Variants in TRIP12 observed in about 807,000 individuals in gnomAD.
TRIP12 encodes thyroid hormone receptor interactor 12, also known as E3 ubiquitin-protein ligase TRIP12.
TRIP12 carries 25 observed loss-of-function variants against 244.2 expected under a neutral mutation model. The ratio of observed to expected loss-of-function variants is 0.10; its 90% CI spans 0.07 to 0.14. TRIP12 has a LOEUF of 0.14. Among genes scored for constraint, TRIP12 ranks in the 10% least tolerant of loss-of-function variants. The pLI is 1.00. For missense variants in TRIP12, 1,677 were observed against 2,486.4 expected, an observed-to-expected ratio of 0.67 and a Z score of 6.92; for synonymous variants, 905 against 873.1, an observed-to-expected ratio of 1.04 and a Z score of -0.64.
At chr2:229,798,350 C>A (rs1378454798) in intron 23 of TRIP12, among the ~76,000 whole-genome samples, 2 of 151,960 alleles carry the variant, frequency 1.3e-5, no homozygotes, top group Admixed American at 6.5e-5. Context: ...CCAAAGAGAG[C>A]ATGTTTATTT....
rs2074147906 is a variant in TRIP12, at chr2:229,910,937, C to T, written c.-50+10943G>A. On this transcript the variant is annotated intron_variant, in intron 1 of 41. Coordinates refer to ENST00000675903, the MANE Select transcript of TRIP12 (RefSeq NM_001348323.3). ...CTACTGAATCTTCTTAAACATCAGC[C>T]TACTTGTTGCCATCTACTGGGGGAA... is the stretch of plus-strand genomic sequence containing the variant. 2.6e-5 allele frequency among the ~76,000 whole-genome samples: 4 copies of T among 152,166 alleles called. No homozygotes were observed. In the South Asian group the frequency reaches 8.3e-4, roughly 32 times the overall value.
chr2:229,771,039 T>C (rs534092341), intron 39 of TRIP12, among the ~76,000 whole-genome samples: 1 of 152,244 alleles, frequency 6.6e-6, no homozygotes, highest in Non-Finnish European at 1.5e-5. Context: ...AATCCATTTC[T>C]TCCATTCTCA....
chr2:229,851,000 C>G (rs560865942), intron 4 of TRIP12, among the ~76,000 whole-genome samples: 4 of 152,352 alleles, frequency 2.6e-5, no homozygotes, highest in South Asian at 2.1e-4. Context: ...AGCCTTCCCC[C>G]ACCTCCGTGG....
At chr2:229,812,762 C>A (rs1380444511) in intron 13 of TRIP12, among the ~76,000 whole-genome samples, 1 of 152,194 alleles carries the variant, frequency 6.6e-6, no homozygotes, top group Non-Finnish European at 1.5e-5. Flanking sequence ...GATCACGCCA[C>A]TGCACTTCAG....
Position 229,792,195 on chromosome 2 carries a change from G to T in TRIP12, c.4173C>A (p.Asp1391Glu), listed in dbSNP as rs972864368. 1.9e-6 allele frequency: 3 copies of T among 1,613,832 alleles called. No homozygotes were observed. The highest frequency in any genetic ancestry group is 3.3e-5 in the Admixed American group (2 of 59,980). ...GYGRVREDDE[D>E]SDDDGSDEEI... is the part of the protein sequence containing the mutation. ...CCTCATCTGATCCATCGTCATCGCT[G>T]TCTTCATCATCTTCTCTTACTCTTC... The change falls in exon 28 of 42, where the codon GAC becomes GAA. Residue 1391 changes from aspartate (D) to glutamate (E), a missense_variant. Transcript: ENST00000675903.
chr2:229,885,634 T>A (rs2065859291), intron 1 of TRIP12, among the ~76,000 whole-genome samples: 1 of 152,222 alleles, frequency 6.6e-6, no homozygotes, highest in African/African-American at 2.4e-5. Context: ...CCCTTGTGTA[T>A]AAAAGAAGTC....
chr2:229,774,388 T>C, intron 37 of TRIP12, 127 bp from the exon 38 acceptor site: 1 of 910,290 alleles, frequency 1.1e-6, no homozygotes, highest in Non-Finnish European at 1.6e-6. Context: ...ACTCTTAGCC[T>C]CTTTATTTTT....
intron 1 of TRIP12, among the ~76,000 whole-genome samples, chr2:229,918,632 T>C (rs1233925407): frequency 2.6e-5 from 4 of 152,208 alleles, no homozygotes. Context: ...GTATCTGGCA[T>C]GCTGATACCA....
At chr2:229,800,509 C>T (rs2043998451) in intron 21 of TRIP12, among the ~76,000 whole-genome samples, 1 of 151,952 alleles carries the variant, frequency 6.6e-6, no homozygotes, top group Non-Finnish European at 1.5e-5. Flanking sequence ...ATGGAATATA[C>T]TTAATAATGT....
chr2:229,792,910 T>C (rs1482608715), intron 27 of TRIP12, 63 bp downstream of exon 27: 1 of 1,505,886 alleles, frequency 6.6e-7, no homozygotes, highest in Non-Finnish European at 9.0e-7. Flanking sequence ...TGTATGTAAC[T>C]CTTAATGTAA....
At chr2:229,808,811 T>C (rs1295853794) in intron 15 of TRIP12, among the ~76,000 whole-genome samples, 2 of 152,238 alleles carry the variant, frequency 1.3e-5, no homozygotes, top group Admixed American at 6.5e-5. Context: ...TCTTATTGTA[T>C]TGTGATCAGG....
chr2:229,876,928 A>G (rs1394092853), intron 2 of TRIP12, among the ~76,000 whole-genome samples: 1 of 152,076 alleles, frequency 6.6e-6, no homozygotes, highest in East Asian at 1.9e-4. Flanking sequence ...ACTCCTGGCC[A>G]CAAGTGATCA....
chr2:229,825,130 C>T (rs184277013), intron 8 of TRIP12, among the ~76,000 whole-genome samples: 1 of 152,246 alleles, frequency 6.6e-6, no homozygotes, highest in African/African-American at 2.4e-5. Flanking sequence ...AATAATAATA[C>T]TTTCAGCAGC....
At chr2:229,832,408 C>T (rs1014094699) in intron 6 of TRIP12, among the ~76,000 whole-genome samples, 26 of 152,300 alleles carry the variant, frequency 1.7e-4, no homozygotes, top group Non-Finnish European at 3.7e-4. Flanking sequence ...GTAACTCCCC[C>T]ACCACTCTGA....
At chr2:229,844,065 T>A (rs375847555) in intron 4 of TRIP12, among the ~76,000 whole-genome samples, 2 of 152,304 alleles carry the variant, frequency 1.3e-5, no homozygotes, top group South Asian at 4.1e-4. Flanking sequence ...ACTGTATGTA[T>A]CCAGTTGCAA....
At chr2:229,768,536 C>T in intron 41 of TRIP12, 80 bp downstream of exon 41, 1 of 1,290,728 alleles carries the variant, frequency 7.7e-7, no homozygotes, top group Non-Finnish European at 1.1e-6. Context: ...TAAAGAATCT[C>T]CTGCTGATGG....
In TRIP12 at chr2:229,803,691, TA is replaced by T. The variant is rs774449594; in HGVS notation, c.2880-3del. 3.2e-6 allele frequency: 5 copies of T among 1,586,294 alleles called. No individual in the cohort carries two copies. The highest frequency in any genetic ancestry group is 2.3e-5 in the South Asian group (2 of 86,300). On this transcript the variant is annotated splice_region_variant and splice_polypyrimidine_tract_variant and intron_variant, in intron 19 of 41. Transcript: ENST00000675903. The stretch of plus-strand genomic sequence containing the variant: ...CTTGACAGCATGGAAGCAATGTGAC[TA>T]AAAAAAGAAAGCATTTGTATATAAA...
At position 229,818,592 on chromosome 2, in the gene TRIP12, T is replaced by C. The variant is rs1181067412; in HGVS notation, c.1451-80A>G. 14 of 1,354,986 alleles carry C rather than the reference T, an allele frequency of 1.0e-5. No homozygotes were observed. The Admixed American group carries it at 2.6e-4, about 25-fold the overall frequency. The allele number at this position is 1,354,986 out of a possible 1,614,324, so 83.9% of individuals were successfully genotyped here. A position where few individuals can be genotyped will look rare whatever the true frequency, so the allele number is the denominator to read the frequency against. ...GTATAAGGTGTGACTCGAAATGTAA[T>C]TGGTTGCTTATCTTCTTTGCATCCT... On this transcript the variant is annotated intron_variant, in intron 8 of 41. Transcript: ENST00000675903.
In TRIP12 at chr2:229,788,940, T is replaced by G; in HGVS notation, c.4696A>C (p.Asn1566His). Residue 1566 changes from asparagine to histidine, a missense_variant and splice_region_variant, in exon 32 of 42, where the codon AAT becomes CAT. Around this residue, in one of 11 missense-constraint regions of TRIP12, gnomAD observed 265 missense variants for 370.8 expected, o/e 0.71. Transcript: ENST00000675903. ...ISRYWYYLYD[N>H]AMCKEIIPTS... ...GGAATAATTTCCTTGCACATTGCAT[T>G]CTGTAAAATGTTTAAAAAAAAAAAA... The G allele has an allele frequency of 6.2e-7, 1 of 1,601,012 alleles. No individual in the cohort carries two copies. Among genetic ancestry groups the G allele is most frequent in the Non-Finnish European group, 8.5e-7 (1 of 1,176,096 alleles).
Sources: gnomAD v4.1 joint callset for allele counts (sites outside exome capture counted in the v4.1 genomes callset) on GRCh38, gnomAD v4.1.1 for gene constraint, gnomAD v4.1.1 regional missense constraint, MANE v1.5 for transcripts, NCBI Gene and HGNC (gene_info 2026-07-23, HGNC 2026-07-21) for gene names.